CD36: variants seen among roughly 807,000 people sequenced by gnomAD.
CD36 encodes the protein platelet glycoprotein 4.
Under a neutral mutation model 55.2 loss-of-function variants are expected in CD36, and 119 were observed. That is an observed-to-expected ratio of 2.15 (90% CI 1.86 to 2.51). The LOEUF (loss-of-function observed/expected upper bound fraction) is 2.51, where lower values mean the gene tolerates loss of function less well. CD36 is among the 30% of genes most tolerant of loss of function. The pLI is 0.00. For synonymous variants in CD36, 186 were observed against 193.6 expected (o/e 0.96, Z 0.33); for missense variants, 819 against 555.5 (o/e 1.47, Z -4.77).
chr7:80,626,622 CTT>C (rs1235796570), intron 1 of CD36, among the ~76,000 whole-genome samples: 1 of 152,002 alleles, frequency 6.6e-6, no homozygotes, highest in African/African-American at 2.4e-5. Flanking sequence ...ACATTACAAA[CTT>C]CATATATAAT....
intron 4 of CD36, among the ~76,000 whole-genome samples, chr7:80,659,342 A>T (rs1796341064): frequency 6.6e-6 from 1 of 152,154 alleles, no homozygotes; most frequent in African/African-American, 2.4e-5. Context: ...ACAAGATATG[A>T]CCTGAATCAA....
In CD36 at chr7:80,618,005, C is replaced by T. The variant is rs185663742; in HGVS notation, c.-184+15626C>T. On this transcript the variant is annotated intron_variant, in intron 1 of 13. Transcript: ENST00000309881. ...TTACTATTTTCTGTCATGCACAGTA[C>T]AGTTCTTTCATGAATATTGTTAGGA... is the stretch of plus-strand genomic sequence containing the variant. Among the ~76,000 whole-genome samples the T allele has an allele frequency of 4.3e-4, 66 of 152,136 alleles. No individual in the cohort carries two copies. The East Asian group carries it at 0.012, about 28-fold the overall frequency.
At chr7:80,617,388 A>G (rs1276451446) in intron 1 of CD36, among the ~76,000 whole-genome samples, 1 of 152,060 alleles carries the variant, frequency 6.6e-6, no homozygotes, top group African/African-American at 2.4e-5. Context: ...AAGTTAAAAA[A>G]AAAATAAAAT....
intron 1 of CD36, among the ~76,000 whole-genome samples, chr7:80,623,144 C>A (rs2064913257): frequency 6.6e-6 from 1 of 151,712 alleles, no homozygotes; most frequent in African/African-American, 2.4e-5. Context: ...ATCTTCTGTT[C>A]TAAAGAGATA....
At chr7:80,661,337 T>G in intron 5 of CD36, 127 bp downstream of exon 5, 1 of 875,900 alleles carries the variant, frequency 1.1e-6, no homozygotes, top group Non-Finnish European at 1.8e-6. Flanking sequence ...CCTATATCAT[T>G]ATTTTGAATG....
At chr7:80,650,927 CAAA>C (rs59555088) in intron 3 of CD36, among the ~76,000 whole-genome samples, 1 of 133,542 alleles carries the variant, frequency 7.5e-6, no homozygotes. Context: ...TGCAGTCTTT[CAAA>C]AAAAAAAAAA....
chr7:80,621,687 A>T (rs1793478814), intron 1 of CD36, among the ~76,000 whole-genome samples: 1 of 152,248 alleles, frequency 6.6e-6, no homozygotes, highest in Admixed American at 6.5e-5. Context: ...TCATTTTAAA[A>T]ATTAACTTCA....
chr7:80,647,333 TGTTTG>T, intron 3 of CD36: 1 of 173,872 alleles, frequency 5.8e-6, no homozygotes, highest in Non-Finnish European at 1.3e-5. Flanking sequence ...TAGGTAAACT[TGTTTG>T]GTAATACACT....
intron 3 of CD36, among the ~76,000 whole-genome samples, chr7:80,655,013 G>C (rs1795942523): frequency 1.3e-5 from 2 of 152,160 alleles, no homozygotes; most frequent in Admixed American, 6.5e-5. Flanking sequence ...TGGTTTCTCA[G>C]AGCCTCAGTG....
chr7:80,605,025 TTAGAAGTGAAGTA>T (rs1792464324), intron 1 of CD36, among the ~76,000 whole-genome samples: 1 of 152,110 alleles, frequency 6.6e-6, no homozygotes, highest in Non-Finnish European at 1.5e-5. Flanking sequence ...CTGGTCAGTT[TTAGAAGTGAAGTA>T]ATAAAAATTA....
chr7:80,668,572 A>G (rs1797345802), intron 8 of CD36, among the ~76,000 whole-genome samples: 1 of 152,226 alleles, frequency 6.6e-6, no homozygotes, highest in Non-Finnish European at 1.5e-5. Context: ...GCAAATATCA[A>G]CTATGTTGCA....
chr7:80,623,092 A>G, intron 1 of CD36, among the ~76,000 whole-genome samples: 1 of 151,592 alleles, frequency 6.6e-6, no homozygotes, highest in Non-Finnish European at 1.5e-5. Flanking sequence ...GATACCATTA[A>G]TTTCTCTATT....
chr7:80,614,716 C>T (rs907974933), intron 1 of CD36, among the ~76,000 whole-genome samples: 1 of 152,102 alleles, frequency 6.6e-6, no homozygotes, highest in Admixed American at 6.5e-5. Flanking sequence ...TCCAATACCC[C>T]AGTTTATAAT....
Position 80,616,752 on chromosome 7 carries a change from C to G in CD36, c.-184+14373C>G, listed in dbSNP as rs182150559. Among the ~76,000 whole-genome samples the G allele has an allele frequency of 4.8e-3, 730 of 152,196 alleles. 5 individuals carry two copies. Among genetic ancestry groups the G allele is most frequent in the African/African-American group, 0.016 (671 of 41,540 alleles). On this transcript the variant is annotated intron_variant, in intron 1 of 13. Transcript: ENST00000309881. Reference sequence around the variant, plus strand: ...ATCATCCTTAGGCTCACTGATATTACTTAATTCATAGGGCTCTAGGTTGGT... The same window carrying G: ...ATCATCCTTAGGCTCACTGATATTAGTTAATTCATAGGGCTCTAGGTTGGT...
chr7:80,613,704 G>A (rs1302870416), intron 1 of CD36, among the ~76,000 whole-genome samples: 1 of 152,054 alleles, frequency 6.6e-6, no homozygotes, highest in South Asian at 2.1e-4. Context: ...AAGAGATGGG[G>A]TTTATTTAAG....
intron 5 of CD36, among the ~76,000 whole-genome samples, chr7:80,661,501 C>T (rs1274202414): frequency 6.6e-6 from 1 of 152,090 alleles, no homozygotes; most frequent in Non-Finnish European, 1.5e-5. Context: ...ACAAGTACAA[C>T]ATTTGTTTCA....
intron 1 of CD36, among the ~76,000 whole-genome samples, chr7:80,631,049 G>A (rs144921258): frequency 5.7e-4 from 86 of 152,084 alleles, no homozygotes; most frequent in Non-Finnish European, 1.1e-3. Context: ...ACAAAACATC[G>A]TGTCCGAGAA....
At position 80,673,410 on chromosome 7, in the gene CD36, G is replaced by A. The variant is rs148051111; in HGVS notation, c.1254+1G>A. ...TGTGCCTATTCTTTGGCTTAATGAG[G>A]TTTGTATTTGCAGCTGTTAGTCATT... On this transcript the variant is annotated splice_donor_variant, in intron 13 of 14. Transcript: ENST00000447544. LOFTEE classifies it high-confidence loss of function. 1.2e-4 allele frequency: 180 copies of A among 1,557,556 alleles called. No individual in the cohort carries two copies. Among genetic ancestry groups the A allele is most frequent in the Non-Finnish European group, 1.5e-4 (171 of 1,129,476 alleles).
At chr7:80,663,461 C>A (rs1047478057) in intron 6 of CD36, among the ~76,000 whole-genome samples, 1 of 152,034 alleles carries the variant, frequency 6.6e-6, no homozygotes, top group Non-Finnish European at 1.5e-5. Context: ...GTCTGTAAAT[C>A]TTTGAGCACT....
Sources: gnomAD v4.1 joint callset for allele counts (sites outside exome capture counted in the v4.1 genomes callset) on GRCh38, gnomAD v4.1.1 for gene constraint, MANE v1.5 for transcripts, NCBI Gene and HGNC (gene_info 2026-07-23, HGNC 2026-07-21) for gene names.